The following DCTN1 variants were observed in gnomAD, a reference collection of about 807,000 sequenced individuals.
The protein encoded by DCTN1 is 150 kDa dynein-associated polypeptide.
DCTN1 carries 61 observed loss-of-function variants against 161.2 expected under a neutral mutation model. The observed-to-expected ratio is 0.38, with a 90% confidence interval of 0.31 to 0.47. The LOEUF (loss-of-function observed/expected upper bound fraction) is 0.47. DCTN1 is among the 20% of genes least tolerant of loss of function. DCTN1 has a pLI of 0.99. For synonymous variants in DCTN1, 653 were observed against 632.4 expected (o/e 1.03, Z -0.49); for missense variants, 1,404 against 1,623.7 (o/e 0.86, Z 2.33).
chr2:74,361,415 G>T lies in DCTN1; in HGVS notation c.*84C>A. 6.3e-7 allele frequency: 1 copy of T among 1,596,934 alleles called. No individual in the cohort carries two copies. On this transcript the variant is annotated 3_prime_UTR_variant, in exon 32 of 32. Coordinates refer to ENST00000628224, the MANE Select transcript of DCTN1 (RefSeq NM_004082.5). ...AAGAGCTTAACCCACGTTTCTACCT[G>T]GGGGCTGGCTGAGGTGGCTGTGCAT...
At position 74,370,183 on chromosome 2, in the gene DCTN1, G is replaced by C; in HGVS notation, c.1287+3C>G. 1 of 1,613,786 alleles carries C rather than the reference G, an allele frequency of 6.2e-7. No homozygotes were observed. The highest frequency in any genetic ancestry group is 8.5e-7 in the Non-Finnish European group (1 of 1,180,028). On this transcript the variant is annotated splice_donor_region_variant and intron_variant, in intron 12 of 31. Transcript: ENST00000628224. The surrounding 1 kb of genome is among the most constrained non-coding windows in gnomAD (Gnocchi z 4.4). ...TCTGGGTGAGGGGCTGGGCTCCCCAGACCTGCTCCTTGAGCTCATCAATGG... is the reference window on the plus strand; with the variant it reads ...TCTGGGTGAGGGGCTGGGCTCCCCACACCTGCTCCTTGAGCTCATCAATGG...
chr2:74,373,425 G>A, intron 6 of DCTN1: 1 of 223,494 alleles, frequency 4.5e-6, no homozygotes, highest in Non-Finnish European at 9.1e-6. Context: ...AACCCCATGT[G>A]ACGAGCGTAA....
rs775878803 is a variant in DCTN1, at chr2:74,365,701, A to G, written c.2887-44T>C. ...TCTAGATCCCTGACATCCTCCCCAC[A>G]GTCCCTGGAAACTGGGGGCTAGACC... On this transcript the variant is annotated intron_variant, in intron 24 of 31. Transcript: ENST00000628224. 3.7e-6 allele frequency: 6 copies of G among 1,613,840 alleles called. No individual in the cohort carries two copies. The South Asian group carries it at 6.6e-5, about 18-fold the overall frequency.
At position 74,378,416 on chromosome 2, in the gene DCTN1, C is replaced by T. The variant is rs192708072; in HGVS notation, c.34-171G>A. 2.3e-3 allele frequency among the ~76,000 whole-genome samples: 347 copies of T among 152,346 alleles called. 3 individuals are homozygous for T. The highest frequency in any genetic ancestry group is 8.0e-3 in the African/African-American group (332 of 41,578). Reference sequence around the variant, plus strand: ...CCCCAAATTCCCCTTTGAAAAAATGCCAATGATATTCTAAGATTTCTCCAA... The same window carrying T: ...CCCCAAATTCCCCTTTGAAAAAATGTCAATGATATTCTAAGATTTCTCCAA... On this transcript the variant is annotated intron_variant, in intron 1 of 31. Coordinates refer to ENST00000628224, the MANE Select transcript of DCTN1 (RefSeq NM_004082.5).
At chr2:74,379,319 C>A (rs1480848344) in intron 1 of DCTN1, among the ~76,000 whole-genome samples, 1 of 152,136 alleles carries the variant, frequency 6.6e-6, no homozygotes. Context: ...GGAGACCCTT[C>A]TGATACTCTC....
In DCTN1 at chr2:74,371,686, A is replaced by T; in HGVS notation, c.496T>A (p.Ser166Thr). The part of the protein sequence containing the change: ...ASTGVAGASS[S>T]LGPSGSASAG... ...GACGCTGAGCCAGAGGGGCCCAGGG[A>T]GCTACTGGCCCCAGCCACCCCAGTA... Residue 166 changes from serine (S) to threonine (T), a missense_variant, in exon 8 of 32, where the codon TCC (serine) becomes ACC (threonine). Around this residue, in one of 9 missense-constraint regions of DCTN1, gnomAD observed 174 missense variants for 175.6 expected, o/e 0.99. Coordinates refer to ENST00000628224, the MANE Select transcript of DCTN1 (RefSeq NM_004082.5). 1 of 1,606,684 alleles carries T rather than the reference A, an allele frequency of 6.2e-7. No individual in the cohort carries two copies. Among genetic ancestry groups the T allele is most frequent in the Non-Finnish European group, 8.5e-7 (1 of 1,177,698 alleles).
At chr2:74,374,706 C>T (rs1276988433) in intron 5 of DCTN1, 3 of 1,191,784 alleles carry the variant, frequency 2.5e-6, no homozygotes, top group Non-Finnish European at 3.2e-6. Flanking sequence ...ATGCACCCAC[C>T]CTCCTCTGCT....
rs771810063 is a variant in DCTN1, at chr2:74,367,846, A to C, written c.2034T>G (p.Ser678Arg). The change falls in exon 18 of 32, where the codon AGT (serine) becomes AGG (arginine). Residue 678 changes from serine to arginine, a missense_variant. Around this residue, in one of 9 missense-constraint regions of DCTN1, gnomAD observed 475 missense variants for 489.8 expected, o/e 0.97. Coordinates refer to ENST00000628224, the MANE Select transcript of DCTN1 (RefSeq NM_004082.5). Reference sequence around the variant, plus strand: ...TGCCCACTTTCTTATACACATCCACACTGCACTGAGAGAGGGCACTAGAGA... The same window carrying C: ...TGCCCACTTTCTTATACACATCCACCCTGCACTGAGAGAGGGCACTAGAGA... The part of the protein sequence containing the change: ...HRYEHALSQC[S>R]VDVYKKVGSL... 3.1e-6 allele frequency: 5 copies of C among 1,614,094 alleles called. No homozygotes were observed. The East Asian group carries it at 1.1e-4, about 36-fold the overall frequency.
intron 15 of DCTN1, 38 bp from the exon 16 acceptor site, chr2:74,368,918 C>G (rs780825304): frequency 1.2e-6 from 2 of 1,612,522 alleles, no homozygotes; most frequent in Non-Finnish European, 1.7e-6. Flanking sequence ...TTAGCCAGAG[C>G]TGAAAGAGCC....
Position 74,367,821 on chromosome 2 carries a change from T to C in DCTN1, c.2059A>G (p.Ser687Gly). Reference sequence around the variant, plus strand: ...TGGGCACTCATCTCAGGGTACAGGCTGCCCACTTTCTTATACACATCCACA... The same window carrying C: ...TGGGCACTCATCTCAGGGTACAGGCCGCCCACTTTCTTATACACATCCACA... ...CSVDVYKKVGSLYPEMSAHER... is the reference protein window; with the variant it reads ...CSVDVYKKVGGLYPEMSAHER... Residue 687 changes from serine to glycine, a missense_variant, in exon 18 of 32, where the codon AGC (serine) becomes GGC (glycine). Transcript: ENST00000628224. The C allele has an allele frequency of 6.2e-7, 1 of 1,614,166 alleles. No homozygotes were observed. The highest frequency in any genetic ancestry group is 1.1e-5 in the South Asian group (1 of 91,080).
Position 74,363,358 on chromosome 2 carries a change from A to G in DCTN1, c.3281T>C (p.Leu1094Pro). ...PGLVKDSPLL[L>P]QQISAMRLHI... is the part of the protein sequence containing the mutation. ...CAGCCTCATGGCAGAGATCTGCTGA[A>G]GCAGCAGTGGTGAGTCCTTCACCAG... The change falls in exon 28 of 32, where the codon CTT becomes CCT. Residue 1094 changes from leucine to proline, a missense_variant. Transcript: ENST00000628224. The G allele has an allele frequency of 6.2e-7, 1 of 1,612,798 alleles. No homozygotes were observed.
chr2:74,386,391 T>C (rs963787461), intron 1 of DCTN1, among the ~76,000 whole-genome samples: 1 of 152,214 alleles, frequency 6.6e-6, no homozygotes, highest in African/African-American at 2.4e-5. Context: ...CTAACAGGAT[T>C]GTTGTAAAAA....
Position 74,371,906 on chromosome 2 carries a change from G to C in DCTN1, c.454-178C>G, listed in dbSNP as rs189868782. On this transcript the variant is annotated intron_variant, in intron 7 of 31. Coordinates refer to ENST00000628224, the MANE Select transcript of DCTN1 (RefSeq NM_004082.5). ...TGAAGGGGACAAGGAAAATGATACAGAGAGGCAGAGAGAGATAGTGACAAA... is the reference window on the plus strand; with the variant it reads ...TGAAGGGGACAAGGAAAATGATACACAGAGGCAGAGAGAGATAGTGACAAA... 2.0e-4 allele frequency: 123 copies of C among 605,448 alleles called. 1 individual carries two copies. The Admixed American group carries it at 3.2e-3, about 16-fold the overall frequency. 37.5% of individuals were successfully genotyped at this position (605,448 alleles called of 1,614,324 possible).
In DCTN1 at chr2:74,365,649, C is replaced by T. The variant is rs1248075223; in HGVS notation, c.2895G>A (p.Glu965=). 6.2e-7 allele frequency: 1 copy of T among 1,614,148 alleles called. No homozygotes were observed. Among genetic ancestry groups the T allele is most frequent in the Admixed American group, 1.7e-5 (1 of 60,016 alleles). ...TCAGCCGCACATTGGCCTCACTTAGCTCCTCTCCCTGGACAAGGACAGAAC... is the reference window on the plus strand; with the variant it reads ...TCAGCCGCACATTGGCCTCACTTAGTTCCTCTCCCTGGACAAGGACAGAAC... ...LKKSLKIKGE[E]LSEANVRLSL... Residue 965 remains glutamate (E), a synonymous_variant, in exon 25 of 32, where the codon GAG becomes GAA. Coordinates refer to ENST00000628224, the MANE Select transcript of DCTN1 (RefSeq NM_004082.5).
At position 74,375,545 on chromosome 2, in the gene DCTN1, G is replaced by A. The variant is rs1558947070; in HGVS notation, c.414+1197C>T. 2.6e-5 allele frequency among the ~76,000 whole-genome samples: 4 copies of A among 152,292 alleles called. No homozygotes were observed. The South Asian group carries it at 8.3e-4, about 32-fold the overall frequency. ...GGCAGCTGCCAAAGCCCCTGGATTT[G>A]GGCATTGCTCAGGCCCCAGCCCAGG... On this transcript the variant is annotated intron_variant, in intron 5 of 31. Transcript: ENST00000628224.
intron 7 of DCTN1, 57 bp downstream of exon 7, chr2:74,372,871 T>C (rs1674966722): frequency 6.4e-7 from 1 of 1,573,136 alleles, no homozygotes. Context: ...TACATCCACA[T>C]GCCTGAAACG....
chr2:74,367,479 C>T, intron 18 of DCTN1, 59 bp from the exon 19 acceptor site: 1 of 1,587,084 alleles, frequency 6.3e-7, no homozygotes, highest in African/African-American at 1.3e-5. Flanking sequence ...GGAGTTCTTC[C>T]CAAACTGTAG....
chr2:74,367,981 G>C lies in DCTN1; in HGVS notation c.2005C>G (p.Arg669Gly). ...SLSLLQATLH[R>G]YEHALSQCSV... ...TCAGGAGTCACTTACTGCTCATAGC[G>C]GTGTAGCGTGGCCTGCAGCAGGCTC... The change falls in exon 17 of 32, where the codon CGC becomes GGC. Residue 669 changes from arginine (R) to glycine (G), a missense_variant. Physicochemically the swap from Arg to Gly is moderately radical, Grantham distance 125. This residue lies in a region of DCTN1 where 475 missense variants were observed against 489.8 expected (regional missense o/e 0.97). Coordinates refer to ENST00000628224, the MANE Select transcript of DCTN1 (RefSeq NM_004082.5). 1 of 1,614,212 alleles carries C rather than the reference G, an allele frequency of 6.2e-7. No homozygotes were observed. Among genetic ancestry groups the C allele is most frequent in the African/African-American group, 1.3e-5 (1 of 75,042 alleles).
At chr2:74,385,054 A>G (rs1675669441), upstream of DCTN1, 3 of 152,184 alleles carry the variant, frequency 2.0e-5, no homozygotes, top group Admixed American at 1.3e-4. Context: ...CCTACTCAGT[A>G]TCTGCCTTGC....
Sources: gnomAD v4.1 joint callset for allele counts (sites outside exome capture counted in the v4.1 genomes callset) on GRCh38, gnomAD v4.1.1 for gene constraint, gnomAD v4.1.1 regional missense constraint, Gnocchi (gnomAD v3.1) non-coding constraint, MANE v1.5 for transcripts, NCBI Gene and HGNC (gene_info 2026-07-23, HGNC 2026-07-21) for gene names.